The following ALDH7A1 variants were observed in gnomAD, a reference collection of about 807,000 sequenced individuals.
ALDH7A1 encodes the protein aldehyde dehydrogenase 7 family member A1.
ALDH7A1 carries 63 observed loss-of-function variants against 79.9 expected under a neutral mutation model. The ratio of observed to expected loss-of-function variants is 0.79; its 90% CI spans 0.64 to 0.97. ALDH7A1 has a LOEUF of 0.97. Ranked by LOEUF, ALDH7A1 falls within the 50% of genes least tolerant of loss-of-function variation. The pLI is 0.00. For missense variants in ALDH7A1, 627 were observed against 665.2 expected (o/e 0.94, Z 0.63); for synonymous variants, 240 against 231.2 (o/e 1.04, Z -0.34).
chr5:126,578,358 A>T (rs1751047920), intron 5 of ALDH7A1, among the ~76,000 whole-genome samples: 1 of 152,074 alleles, frequency 6.6e-6, no homozygotes, highest in African/African-American at 2.4e-5. Context: ...TAAAAATACA[A>T]ATCAGCTAGG....
At position 126,568,284 on chromosome 5, in the gene ALDH7A1, C is replaced by T. The variant is rs964822889; in HGVS notation, c.846G>A (p.Val282=). Residue 282 remains valine (V), a synonymous_variant, in exon 9 of 18, where the codon GTG becomes GTA. Transcript: ENST00000409134. ...CAAACCTCTCCTGCACCATCAGGCC[C>T]ACCTGTTTTCCCACCTGAGTGCTCC... ...FTGSTQVGKQ[V]GLMVQERFGR... is the part of the protein sequence containing the mutation. The T allele has an allele frequency of 6.2e-7, 1 of 1,614,162 alleles. No homozygotes were observed. Among genetic ancestry groups the T allele is most frequent in the African/African-American group, 1.3e-5 (1 of 75,050 alleles).
intron 9 of ALDH7A1, among the ~76,000 whole-genome samples, chr5:126,565,876 T>G (rs1750565488): frequency 6.6e-6 from 1 of 152,252 alleles, no homozygotes; most frequent in Admixed American, 6.5e-5. Flanking sequence ...CTTGTCACCC[T>G]TGACACAACT....
chr5:126,564,065 A>G (rs559944672), intron 9 of ALDH7A1, among the ~76,000 whole-genome samples: 1 of 152,238 alleles, frequency 6.6e-6, no homozygotes, highest in East Asian at 1.9e-4. Context: ...GGGATTACAG[A>G]TATGAGCCAC....
At chr5:126,558,783 C>G (rs535588639) in intron 11 of ALDH7A1, among the ~76,000 whole-genome samples, 2 of 152,208 alleles carry the variant, frequency 1.3e-5, no homozygotes, top group Admixed American at 6.5e-5. Context: ...GCCTCAGCCT[C>G]CCAAAGTGTT....
chr5:126,558,645 T>C (rs1750289049), intron 11 of ALDH7A1, among the ~76,000 whole-genome samples: 1 of 152,096 alleles, frequency 6.6e-6, no homozygotes, highest in Admixed American at 6.6e-5. Flanking sequence ...TGCCTCAGCC[T>C]CCCAAGTAGC....
intron 7 of ALDH7A1, chr5:126,571,150 A>AT (rs386404930): frequency 0.021 from 4,582 of 221,214 alleles, 50 homozygotes; most frequent in South Asian, 0.029. Flanking sequence ...CTATTAGCAG[A>AT]TTTTTTTTTT....
chr5:126,550,282 C>T lies in ALDH7A1; in HGVS notation c.1329G>A (p.Glu443=), dbSNP rs745584430. The change falls in exon 15 of 18, where the codon GAG becomes GAA. Residue 443 remains glutamate (E), a synonymous_variant. Transcript: ENST00000409134. ...LYVFKFKNEE[E]VFAWNNEVKQ... is the part of the protein sequence containing the mutation. ...TTACTTCATTATTCCATGCAAAGAC[C>T]TCTTCTTCATTCTAAAAGGAGAGAC... The T allele has an allele frequency of 6.2e-7, 1 of 1,611,728 alleles. No individual in the cohort carries two copies. Among genetic ancestry groups the T allele is most frequent in the East Asian group, 2.2e-5 (1 of 44,842 alleles).
chr5:126,559,194 T>C, intron 11 of ALDH7A1, 46 bp downstream of exon 11: 1 of 1,500,674 alleles, frequency 6.7e-7, no homozygotes, highest in Non-Finnish European at 9.3e-7. Flanking sequence ...CATTAAAAAG[T>C]AGTGTTTTAA....
chr5:126,548,198 G>A, intron 16 of ALDH7A1, among the ~76,000 whole-genome samples: 1 of 152,212 alleles, frequency 6.6e-6, no homozygotes, highest in South Asian at 2.1e-4. Context: ...CACCCAGGCT[G>A]AAGTGCAGTG....
rs377320220 is a variant in ALDH7A1 at position 126,579,581 on chromosome 5, G to A, written c.518-2370C>T. On this transcript the variant is annotated intron_variant, in intron 5 of 17. Transcript: ENST00000409134. ...GTAGACTACCCGGCACCTGATAGATGCTCCATAAGCATTTATTGAATTAAT... is the reference window on the plus strand; with the variant it reads ...GTAGACTACCCGGCACCTGATAGATACTCCATAAGCATTTATTGAATTAAT... 4.6e-4 allele frequency among the ~76,000 whole-genome samples: 70 copies of A among 152,150 alleles called. 1 individual carries two copies. Among genetic ancestry groups the A allele is most frequent in the African/African-American group, 1.6e-3 (67 of 41,486 alleles).
At chr5:126,583,017 C>T in intron 4 of ALDH7A1, 43 bp from the exon 5 acceptor site, 1 of 1,611,876 alleles carries the variant, frequency 6.2e-7, no homozygotes. Context: ...CAACAGAATT[C>T]ACATTATAAA....
At chr5:126,565,993 G>A (rs573519065) in intron 9 of ALDH7A1, among the ~76,000 whole-genome samples, 33 of 152,126 alleles carry the variant, frequency 2.2e-4, no homozygotes, top group Admixed American at 1.4e-3. Context: ...TAGTTTTGCC[G>A]TAAATTTTTT....
chr5:126,565,187 G>A (rs1045952655), intron 9 of ALDH7A1, among the ~76,000 whole-genome samples: 1 of 152,146 alleles, frequency 6.6e-6, no homozygotes, highest in Non-Finnish European at 1.5e-5. Flanking sequence ...AAGGTCTGGA[G>A]TTTGAGACCA....
intron 9 of ALDH7A1, among the ~76,000 whole-genome samples, chr5:126,565,908 T>C (rs1166547854): frequency 3.3e-5 from 5 of 152,246 alleles, no homozygotes; most frequent in Non-Finnish European, 7.3e-5. Flanking sequence ...CAAGGGTTTA[T>C]CTCTGGACTT....
intron 16 of ALDH7A1, 150 bp from the exon 17 acceptor site, chr5:126,546,549 A>G: frequency 7.0e-6 from 5 of 713,478 alleles, no homozygotes; most frequent in South Asian, 3.3e-5. Flanking sequence ...CTGCAAACAA[A>G]TCAAAGACAG....
chr5:126,592,844 A>G (rs1751597323), intron 2 of ALDH7A1, 115 bp from the exon 3 acceptor site: 1 of 1,031,060 alleles, frequency 9.7e-7, no homozygotes, highest in African/African-American at 1.6e-5. Flanking sequence ...GTTCCCTAAC[A>G]TTTATGGCTG....
intron 11 of ALDH7A1, among the ~76,000 whole-genome samples, chr5:126,557,648 T>C (rs1750244727): frequency 6.6e-6 from 1 of 152,034 alleles, no homozygotes; most frequent in South Asian, 2.1e-4. Context: ...TCATATATCT[T>C]TTAGCTTATT....
At chr5:126,570,562 A>G (rs1453499593) in intron 8 of ALDH7A1, 6 of 536,164 alleles carry the variant, frequency 1.1e-5, no homozygotes, top group Non-Finnish European at 2.0e-5. Flanking sequence ...CACCTTAACA[A>G]ATAGTACCTC....
chr5:126,573,145 G>T (rs994660067), intron 7 of ALDH7A1, among the ~76,000 whole-genome samples: 1 of 124,900 alleles, frequency 8.0e-6, no homozygotes, highest in African/African-American at 3.0e-5. Context: ...AAAGCTTAAA[G>T]CAAAACCAGT....
Sources: allele counts gnomAD v4.1 joint callset (sites outside exome capture counted in the v4.1 genomes callset), GRCh38; gene constraint gnomAD v4.1.1; transcripts MANE v1.5; gene names NCBI Gene and HGNC (gene_info 2026-07-23, HGNC 2026-07-21).